Variants in RIMBP2 observed in about 807,000 individuals in gnomAD.
RIMBP2 encodes RIMS binding protein 2.
RIMBP2 carries 48 observed loss-of-function variants against 118.6 expected under a neutral mutation model. That is an observed-to-expected ratio of 0.40 (90% CI 0.32 to 0.51). RIMBP2 has a LOEUF of 0.51. RIMBP2 is among the 20% of genes least tolerant of loss of function. The pLI is 0.41. For missense variants in RIMBP2, 1,551 were observed against 1,768.3 expected (o/e 0.88, Z 2.20); for synonymous variants, 762 against 742.9 (o/e 1.03, Z -0.42).
In RIMBP2 at chr12:130,434,400, G is replaced by A. The variant is rs1307514765; in HGVS notation, c.2253+334C>T. Among the ~76,000 whole-genome samples, 6 of 152,164 alleles carry A rather than the reference G, an allele frequency of 3.9e-5. No homozygotes were observed. In the East Asian group the frequency reaches 1.2e-3, roughly 29 times the overall value. On this transcript the variant is annotated intron_variant, in intron 14 of 22. Transcript: ENST00000690449. This position sits in a 1 kb window ranked among gnomAD's most constrained non-coding sequence, Gnocchi z 5.7. Reference sequence around the variant, plus strand: ...AACAAACATCTGCCCAGTTAACGGAGGTGAATGAGCGAATGGCAGGTTCTG... The same window carrying A: ...AACAAACATCTGCCCAGTTAACGGAAGTGAATGAGCGAATGGCAGGTTCTG...
At chr12:130,610,371 T>C (rs918918740) in intron 2 of RIMBP2, among the ~76,000 whole-genome samples, 1 of 152,220 alleles carries the variant, frequency 6.6e-6, no homozygotes, top group South Asian at 2.1e-4. Flanking sequence ...GCCATCTGTG[T>C]GGCCCCAAAA....
In RIMBP2 at chr12:130,455,761, AT is replaced by A. The variant is rs146334105; in HGVS notation, c.358+734del. ...GAGGTTCAGACGCTCATCTCCCCTA[AT>A]TTTTTTTTAAACCAACTTCTTAAAC... On this transcript the variant is annotated intron_variant, in intron 7 of 22. Transcript: ENST00000690449. 5.3e-5 allele frequency among the ~76,000 whole-genome samples: 8 copies of A among 151,696 alleles called. No homozygotes were observed. The East Asian group carries it at 5.8e-4, about 11-fold the overall frequency.
intron 4 of RIMBP2, among the ~76,000 whole-genome samples, chr12:130,483,650 C>A (rs1396638664): frequency 6.7e-6 from 1 of 150,094 alleles, no homozygotes; most frequent in East Asian, 2.0e-4. Context: ...CTCACCTACA[C>A]ACAGTGCCCA....
intron 2 of RIMBP2, among the ~76,000 whole-genome samples, chr12:130,611,711 C>T (rs554466358): frequency 1.1e-3 from 172 of 152,242 alleles, no homozygotes; most frequent in Non-Finnish European, 2.1e-3. Context: ...ACACATGCTG[C>T]GGAGTCTTGG....
intron 2 of RIMBP2, among the ~76,000 whole-genome samples, chr12:130,559,052 G>C (rs1183409906): frequency 6.6e-6 from 1 of 151,908 alleles, no homozygotes; most frequent in Non-Finnish European, 1.5e-5. Flanking sequence ...ATTTTTAATA[G>C]ACAATAAGTG....
At chr12:130,438,319 C>A in intron 12 of RIMBP2, 46 bp downstream of exon 12, 1 of 1,599,090 alleles carries the variant, frequency 6.3e-7, no homozygotes, top group South Asian at 1.1e-5. Context: ...GTCCCTGCTG[C>A]GTTAGGGCCT....
intron 2 of RIMBP2, among the ~76,000 whole-genome samples, chr12:130,570,703 T>C (rs2057566106): frequency 6.6e-6 from 1 of 152,164 alleles, no homozygotes; most frequent in African/African-American, 2.4e-5. Flanking sequence ...GCAGTGACTC[T>C]AGCAGTTCCC....
At chr12:130,452,481 G>T (rs1047397613) in intron 7 of RIMBP2, among the ~76,000 whole-genome samples, 1 of 152,216 alleles carries the variant, frequency 6.6e-6, no homozygotes, top group African/African-American at 2.4e-5. Flanking sequence ...ATGGCTCGGC[G>T]TGTAGCAGGT....
chr12:130,416,531 T>C (rs1259858427), intron 17 of RIMBP2, among the ~76,000 whole-genome samples: 1 of 152,196 alleles, frequency 6.6e-6, no homozygotes, highest in Non-Finnish European at 1.5e-5. Flanking sequence ...ATGCAGAAGA[T>C]TGAAACTGGA....
chr12:130,654,642 C>G (rs75471353), intron 1 of RIMBP2, among the ~76,000 whole-genome samples: 3 of 152,246 alleles, frequency 2.0e-5, no homozygotes, highest in Non-Finnish European at 2.9e-5. Context: ...TATAGCAATG[C>G]CCCACTCCTC....
At chr12:130,685,855 T>C (rs2065015857) in intron 1 of RIMBP2, among the ~76,000 whole-genome samples, 1 of 152,192 alleles carries the variant, frequency 6.6e-6, no homozygotes, top group African/African-American at 2.4e-5. Context: ...CTGAACTGCG[T>C]GTCCGCTGGT....
At chr12:130,709,777 G>A (rs1194092621) in intron 1 of RIMBP2, among the ~76,000 whole-genome samples, 6 of 152,122 alleles carry the variant, frequency 3.9e-5, no homozygotes, top group Non-Finnish European at 5.9e-5. Flanking sequence ...TCCCATCGCG[G>A]ACACACACTG....
chr12:130,692,626 A>T (rs1013196208), intron 1 of RIMBP2, among the ~76,000 whole-genome samples: 16 of 152,056 alleles, frequency 1.1e-4, no homozygotes, highest in Non-Finnish European at 4.4e-5. Flanking sequence ...TCTTAAAAAG[A>T]GTTATCCAAG....
intron 10 of RIMBP2, among the ~76,000 whole-genome samples, chr12:130,444,538 T>C (rs1452890651): frequency 6.6e-6 from 1 of 152,146 alleles, no homozygotes; most frequent in Non-Finnish European, 1.5e-5. Flanking sequence ...ATCAAATCCT[T>C]TAGAACGTTG....
chr12:130,547,577 G>A (rs2055299492), intron 2 of RIMBP2, among the ~76,000 whole-genome samples: 1 of 152,210 alleles, frequency 6.6e-6, no homozygotes, highest in Non-Finnish European at 1.5e-5. Context: ...AAGCAGCAAT[G>A]CTGGCCTGGC....
chr12:130,423,691 C>T (rs990611832), intron 16 of RIMBP2, among the ~76,000 whole-genome samples: 42 of 99,016 alleles, frequency 4.2e-4, no homozygotes, highest in East Asian at 1.1e-3. Flanking sequence ...TTTCTTCAAT[C>T]TTTTTTTTTT....
At chr12:130,410,634 T>G (rs1358475481) in intron 19 of RIMBP2, among the ~76,000 whole-genome samples, 1 of 152,178 alleles carries the variant, frequency 6.6e-6, no homozygotes, top group Non-Finnish European at 1.5e-5. Flanking sequence ...TCCGTTGAAT[T>G]GCCTTTTTAC....
chr12:130,460,014 A>G (rs945587571), intron 6 of RIMBP2, among the ~76,000 whole-genome samples: 8 of 152,192 alleles, frequency 5.3e-5, no homozygotes. Flanking sequence ...GCTGCGGGTA[A>G]ACTAATCTAC....
intron 3 of RIMBP2, among the ~76,000 whole-genome samples, chr12:130,509,676 C>T (rs1292650441): frequency 6.6e-6 from 1 of 152,094 alleles, no homozygotes; most frequent in Admixed American, 6.5e-5. Flanking sequence ...CCGGCCTCTG[C>T]TGGTCTCAGA....
Sources: allele counts gnomAD v4.1 joint callset (sites outside exome capture counted in the v4.1 genomes callset), GRCh38; gene constraint gnomAD v4.1.1; non-coding constraint Gnocchi (gnomAD v3.1); transcripts MANE v1.5; gene names NCBI Gene and HGNC (gene_info 2026-07-23, HGNC 2026-07-21).